Variants in SLC25A31 observed in about 807,000 individuals in gnomAD.
The protein encoded by SLC25A31 is ADP/ATP translocase 4.
Under a neutral mutation model 36.2 loss-of-function variants are expected in SLC25A31, and 40 were observed. That is an observed-to-expected ratio of 1.10 (90% CI 0.86 to 1.44). The LOEUF (loss-of-function observed/expected upper bound fraction) is 1.44, where lower values mean the gene tolerates loss of function less well. Among genes scored for constraint, SLC25A31 ranks in the 40% most tolerant of loss-of-function variants. The pLI is 0.00. For synonymous variants in SLC25A31, 143 were observed against 149.7 expected (o/e 0.96, Z 0.32); for missense variants, 350 against 397.1 (o/e 0.88, Z 1.01).
intron 2 of SLC25A31, among the ~76,000 whole-genome samples, chr4:127,746,594 G>A (rs1405413019): frequency 1.3e-5 from 2 of 151,978 alleles, no homozygotes; most frequent in Admixed American, 6.6e-5. Flanking sequence ...TTTCAAGAGT[G>A]TCTGTTTATG....
At chr4:127,740,389 C>A (rs892665871) in intron 1 of SLC25A31, among the ~76,000 whole-genome samples, 20 of 152,110 alleles carry the variant, frequency 1.3e-4, no homozygotes, top group African/African-American at 4.6e-4. Context: ...GGGCTTTTGA[C>A]TTTGCTTCTA....
intron 1 of SLC25A31, among the ~76,000 whole-genome samples, chr4:127,735,807 C>T (rs200220118): frequency 9.5e-6 from 1 of 105,474 alleles, no homozygotes; most frequent in African/African-American, 4.2e-5. Flanking sequence ...ACCTCCCCTG[C>T]AAAAAAAAAA....
chr4:127,765,416 T>C (rs1732222419), intron 3 of SLC25A31, among the ~76,000 whole-genome samples: 1 of 152,236 alleles, frequency 6.6e-6, no homozygotes, highest in Non-Finnish European at 1.5e-5. Context: ...TAGATTTCAT[T>C]CTGTCATGTT....
intron 2 of SLC25A31, among the ~76,000 whole-genome samples, chr4:127,763,406 C>G (rs1047502127): frequency 3.3e-5 from 5 of 152,184 alleles, no homozygotes; most frequent in Non-Finnish European, 7.3e-5. Flanking sequence ...TTGAGCTTGA[C>G]TAGCATATTA....
intron 2 of SLC25A31, among the ~76,000 whole-genome samples, chr4:127,759,392 G>A (rs1422978638): frequency 1.3e-5 from 2 of 152,016 alleles, no homozygotes; most frequent in Non-Finnish European, 2.9e-5. Context: ...GGCATATCTT[G>A]GGTTTTCTAG....
intron 3 of SLC25A31, among the ~76,000 whole-genome samples, chr4:127,765,861 T>TATTA (rs1732231140): frequency 6.6e-6 from 1 of 152,184 alleles, no homozygotes; most frequent in Admixed American, 6.5e-5. Context: ...AGTTTATTTT[T>TATTA]ATTAATAAGA....
intron 2 of SLC25A31, among the ~76,000 whole-genome samples, chr4:127,754,132 A>G (rs911111914): frequency 8.5e-5 from 13 of 152,162 alleles, no homozygotes; most frequent in South Asian, 2.1e-4. Flanking sequence ...CAAGTTAGGC[A>G]TAGAAGGAAT....
chr4:127,759,444 C>T (rs1046186135), intron 2 of SLC25A31, among the ~76,000 whole-genome samples: 3 of 152,044 alleles, frequency 2.0e-5, no homozygotes, highest in African/African-American at 4.8e-5. Context: ...TTTCCTATTT[C>T]GATGCCTTTT....
chr4:127,732,671 A>T (rs1488984722), intron 1 of SLC25A31, among the ~76,000 whole-genome samples: 1 of 152,170 alleles, frequency 6.6e-6, no homozygotes, highest in East Asian at 1.9e-4. Flanking sequence ...AGTTGATATC[A>T]TTCTCAGATG....
At chr4:127,758,229 A>G (rs975977098) in intron 2 of SLC25A31, among the ~76,000 whole-genome samples, 1 of 152,138 alleles carries the variant, frequency 6.6e-6, no homozygotes, top group African/African-American at 2.4e-5. Flanking sequence ...CAGCCAAACC[A>G]TATCAGTGAT....
chr4:127,767,473 A>C (rs1021016325), intron 4 of SLC25A31, among the ~76,000 whole-genome samples: 1 of 152,206 alleles, frequency 6.6e-6, no homozygotes, highest in Admixed American at 6.5e-5. Flanking sequence ...TCACATTGCA[A>C]ATGAAAAACA....
At chr4:127,755,929 A>G (rs1732023293) in intron 2 of SLC25A31, among the ~76,000 whole-genome samples, 1 of 152,022 alleles carries the variant, frequency 6.6e-6, no homozygotes, top group Admixed American at 6.6e-5. Context: ...GCTACTAGAG[A>G]GGCTGAGGCA....
intron 5 of SLC25A31, among the ~76,000 whole-genome samples, chr4:127,770,059 T>C (rs1478185083): frequency 6.6e-6 from 1 of 152,210 alleles, no homozygotes; most frequent in Non-Finnish European, 1.5e-5. Flanking sequence ...TTTTATTGAC[T>C]ACAAAATGGT....
Position 127,767,082 on chromosome 4 carries a change from A to G in SLC25A31, c.495A>G (p.Gln165=), listed in dbSNP as rs891811484. 7 of 1,611,202 alleles carry G rather than the reference A, an allele frequency of 4.3e-6. No individual in the cohort carries two copies. In the African/African-American group the frequency reaches 5.3e-5, roughly 12 times the overall value. Residue 165 remains glutamine, a synonymous_variant, in exon 4 of 6, where the codon CAA becomes CAG. Coordinates refer to ENST00000281154, the MANE Select transcript of SLC25A31 (RefSeq NM_031291.4). ...VDIGKGPEER[Q]FKGLGDCIMK... is the part of the protein sequence containing the mutation. ...TTATTTTAGGTCCTGAGGAGCGACA[A>G]TTCAAGGGTTTAGGTGACTGTATTA...
At chr4:127,735,896 A>ATTTATTTT (rs1731621940) in intron 1 of SLC25A31, among the ~76,000 whole-genome samples, 1 of 74,590 alleles carries the variant, frequency 1.3e-5, no homozygotes, top group African/African-American at 4.3e-5. Flanking sequence ...TTATTTATTT[A>ATTTATTTT]TTTTTTTTTT....
chr4:127,737,837 G>A (rs1731661457), intron 1 of SLC25A31, among the ~76,000 whole-genome samples: 1 of 151,836 alleles, frequency 6.6e-6, no homozygotes, highest in African/African-American at 2.4e-5. Context: ...GGGATTACAG[G>A]CATGAGCCAC....
chr4:127,744,694 C>A lies in SLC25A31; in HGVS notation c.255C>A (p.Gly85=). The A allele has an allele frequency of 1.9e-6, 3 of 1,598,266 alleles. No individual in the cohort carries two copies. The highest frequency in any genetic ancestry group is 2.2e-5 in the East Asian group (1 of 44,632). ...TAGGTTTCTTCAGTTTTTGGCGTGG[C>A]AATTTGGCAAATGTTATTCGGTATT... ...REQGFFSFWR[G]NLANVIRYFP... The change falls in exon 2 of 6, where the codon GGC becomes GGA. Residue 85 remains glycine (G), a synonymous_variant. Transcript: ENST00000281154.
At chr4:127,746,562 G>A (rs963885297) in intron 2 of SLC25A31, among the ~76,000 whole-genome samples, 2 of 152,144 alleles carry the variant, frequency 1.3e-5, no homozygotes, top group South Asian at 2.1e-4. Context: ...CCATATGGTT[G>A]TTGGCCACGT....
At chr4:127,768,652 T>C in intron 4 of SLC25A31, 100 bp from the exon 5 acceptor site, 1 of 984,618 alleles carries the variant, frequency 1.0e-6, no homozygotes, top group South Asian at 2.5e-5. Flanking sequence ...TAAGTATAAT[T>C]GGGCCCTCTT....
Sources: gnomAD v4.1 joint callset for allele counts (sites outside exome capture counted in the v4.1 genomes callset) on GRCh38, gnomAD v4.1.1 for gene constraint, MANE v1.5 for transcripts, NCBI Gene and HGNC (gene_info 2026-07-23, HGNC 2026-07-21) for gene names.